IL19: variants seen among roughly 807,000 people sequenced by gnomAD.
IL19 encodes interleukin-19.
A neutral mutation model predicts 19.5 loss-of-function variants in IL19; 15 were observed. The observed-to-expected ratio is 0.77, with a 90% confidence interval of 0.52 to 1.19. The LOEUF is 1.19. Among genes scored for constraint, IL19 ranks in the 50% most tolerant of loss-of-function variants. The pLI is 0.00. For missense variants in IL19, 199 were observed against 213.1 expected (o/e 0.93, Z 0.41); for synonymous variants, 78 against 78.3 (o/e 1.00, Z 0.02).
intron 2 of IL19, among the ~76,000 whole-genome samples, chr1:206,832,580 C>G (rs1394643038): frequency 1.3e-5 from 2 of 152,208 alleles, no homozygotes; most frequent in Non-Finnish European, 2.9e-5. Flanking sequence ...TGAAATGCCT[C>G]TTTCTTCTGG....
intron 4 of IL19, among the ~76,000 whole-genome samples, chr1:206,838,677 G>A (rs1676882765): frequency 6.6e-6 from 1 of 152,040 alleles, no homozygotes; most frequent in Non-Finnish European, 1.5e-5. Flanking sequence ...TCAAGGTTGG[G>A]AAGTAGCTCA....
chr1:206,839,857 ATGTG>A lies in IL19; in HGVS notation c.221_224del (p.Val74AlafsTer3). The A allele has an allele frequency of 6.2e-7, 1 of 1,613,248 alleles. No homozygotes were observed. Among genetic ancestry groups the A allele is most frequent in the Non-Finnish European group, 8.5e-7 (1 of 1,179,542 alleles). ...CCTAATTTGTGTTTGTAGCCCTTAGATGTGTGCTGCGTGACCAAGAACCTCCTGG... is the reference window on the plus strand; with the variant it reads ...CCTAATTTGTGTTTGTAGCCCTTAGATGCTGCGTGACCAAGAACCTCCTGG... On this transcript the variant is annotated frameshift_variant, in exon 5 of 7. Transcript: ENST00000659997. LOFTEE classifies it high-confidence loss of function.
At chr1:206,822,903 T>A (rs532055075) in intron 2 of IL19, among the ~76,000 whole-genome samples, 175 of 152,210 alleles carry the variant, frequency 1.1e-3, no homozygotes, top group African/African-American at 3.8e-3. Flanking sequence ...TAGGGTTATA[T>A]TTCACTGCAT....
intron 2 of IL19, 127 bp from the exon 3 acceptor site, chr1:206,836,534 T>G: frequency 6.1e-6 from 5 of 824,080 alleles, no homozygotes; most frequent in Non-Finnish European, 7.7e-6. Context: ...GGCTGAAGTG[T>G]TTAGTGTTGT....
chr1:206,842,742 T>A lies in IL19; in HGVS notation c.*120T>A. On this transcript the variant is annotated 3_prime_UTR_variant, in exon 7 of 7. Coordinates refer to ENST00000659997, the MANE Select transcript of IL19 (RefSeq NM_153758.5). ...GGCCCCTTGCAGCTGAAAGTCCCAC[T>A]GGCTGGCCTCAGGCTGTCTTATTCC... 2 of 625,882 alleles carry A rather than the reference T, an allele frequency of 3.2e-6. No individual in the cohort carries two copies. Among genetic ancestry groups the A allele is most frequent in the Non-Finnish European group, 5.6e-6 (2 of 357,320 alleles). The allele number at this position is 625,882 out of a possible 1,614,324, so 38.8% of individuals were successfully genotyped here.
intron 1 of IL19, among the ~76,000 whole-genome samples, chr1:206,781,945 AGT>A (rs1232558585): frequency 1.5e-5 from 1 of 65,154 alleles, no homozygotes; most frequent in South Asian, 4.4e-4. Flanking sequence ...ATATGTATAT[AGT>A]TATATATACA....
intron 1 of IL19, 41 bp downstream of exon 1, chr1:206,771,119 G>C: frequency 6.5e-7 from 1 of 1,549,382 alleles, no homozygotes; most frequent in South Asian, 1.1e-5. Context: ...AGGAGGGGCT[G>C]CTGCAACTAG....
chr1:206,779,176 C>T (rs1675074042), intron 1 of IL19, among the ~76,000 whole-genome samples: 1 of 152,192 alleles, frequency 6.6e-6, no homozygotes, highest in Non-Finnish European at 1.5e-5. Flanking sequence ...CTCCCAGGCT[C>T]GTAAACATGC....
At chr1:206,781,866 TA>T (rs1370664051) in intron 1 of IL19, among the ~76,000 whole-genome samples, 10 of 135,632 alleles carry the variant, frequency 7.4e-5, no homozygotes, top group South Asian at 2.2e-4. Flanking sequence ...TATATGTATA[TA>T]GTTATATATA....
chr1:206,808,838 AAAG>A (rs1194109857), intron 2 of IL19, among the ~76,000 whole-genome samples: 5 of 152,194 alleles, frequency 3.3e-5, no homozygotes, highest in Admixed American at 6.5e-5. Flanking sequence ...GTGGTGCAAC[AAAG>A]AAGGTGAGAG....
chr1:206,798,557 T>G (rs1675585673), intron 1 of IL19, among the ~76,000 whole-genome samples: 1 of 151,912 alleles, frequency 6.6e-6, no homozygotes, highest in African/African-American at 2.4e-5. Context: ...TTTTTTTTCT[T>G]AAAAGACAGT....
At chr1:206,798,727 C>T (rs4845141) in intron 1 of IL19, 134 bp from the exon 2 acceptor site, 262,458 of 559,680 alleles carry the variant, frequency 0.47, 63,487 homozygotes, top group East Asian at 0.69. Flanking sequence ...GGGTGTGATT[C>T]GGTTCAGAGT....
At chr1:206,802,073 C>A (rs2102461642) in intron 2 of IL19, among the ~76,000 whole-genome samples, 1 of 152,306 alleles carries the variant, frequency 6.6e-6, no homozygotes, top group East Asian at 1.9e-4. Flanking sequence ...GGGCTCCCAG[C>A]ATGGTCCTGG....
chr1:206,790,691 G>A (rs1343359045), intron 1 of IL19, among the ~76,000 whole-genome samples: 6 of 152,114 alleles, frequency 3.9e-5, no homozygotes, highest in Non-Finnish European at 5.9e-5. Flanking sequence ...GTGTCTGGGG[G>A]TTTACGAACT....
intron 1 of IL19, among the ~76,000 whole-genome samples, chr1:206,794,220 A>G (rs1323221617): frequency 6.6e-6 from 1 of 152,166 alleles, no homozygotes; most frequent in Non-Finnish European, 1.5e-5. Flanking sequence ...CAGTTTCCCC[A>G]CCTGCAACTT....
rs1013774864 is a variant in IL19, at chr1:206,834,505, T to C, written c.-2-2156T>C. 25 of 921,256 alleles carry C rather than the reference T, an allele frequency of 2.7e-5. No homozygotes were observed. The African/African-American group carries it at 4.1e-4, about 15-fold the overall frequency. 57.1% of individuals were successfully genotyped at this position (921,256 alleles called of 1,614,324 possible). ...GACCTGTTACCATTGTGTATGGCTA[T>C]GATGTTCCAGATGCTGGGCATTTGG... On this transcript the variant is annotated intron_variant, in intron 2 of 6. Transcript: ENST00000659997.
At chr1:206,781,429 A>AG (rs1675125903) in intron 1 of IL19, among the ~76,000 whole-genome samples, 1 of 150,150 alleles carries the variant, frequency 6.7e-6, no homozygotes, top group Non-Finnish European at 1.5e-5. Context: ...AAAAAAAAAA[A>AG]AAAAAAAAAG....
intron 1 of IL19, among the ~76,000 whole-genome samples, chr1:206,775,166 G>C (rs996337541): frequency 5.9e-5 from 9 of 151,766 alleles, no homozygotes; most frequent in African/African-American, 1.2e-4. Context: ...TCAGCGTCCC[G>C]AGTAGCTGGG....
intron 2 of IL19, among the ~76,000 whole-genome samples, chr1:206,831,519 G>T (rs1390854590): frequency 6.6e-6 from 1 of 152,176 alleles, no homozygotes; most frequent in African/African-American, 2.4e-5. Context: ...AAGATGAAGA[G>T]AACTTATTTC....
Sources: gnomAD v4.1 joint callset for allele counts (sites outside exome capture counted in the v4.1 genomes callset) on GRCh38, gnomAD v4.1.1 for gene constraint, MANE v1.5 for transcripts, NCBI Gene and HGNC (gene_info 2026-07-23, HGNC 2026-07-21) for gene names.